Variants in MDFIC2 observed in about 807,000 individuals in gnomAD.
MDFIC2 encodes MyoD family inhibitor domain containing 2, also known as myoD family inhibitor domain-containing protein 2.
intron 2 of MDFIC2, among the ~76,000 whole-genome samples, chr3:70,275,208 T>C (rs1243667391): frequency 1.3e-5 from 2 of 152,194 alleles, no homozygotes; most frequent in African/African-American, 4.8e-5. Flanking sequence ...TGCTTCTGAA[T>C]AGCATTCATG....
chr3:70,267,556 C>G (rs796676276), intron 2 of MDFIC2, among the ~76,000 whole-genome samples: 80 of 149,740 alleles, frequency 5.3e-4, no homozygotes, highest in African/African-American at 1.9e-3. Flanking sequence ...GCGCCCGCCA[C>G]CATGCCCGGC....
intron 2 of MDFIC2, among the ~76,000 whole-genome samples, chr3:70,279,410 A>G (rs1702059102): frequency 6.6e-6 from 1 of 152,136 alleles, no homozygotes. Context: ...CACTCGTCAG[A>G]AAGACCTCTG....
chr3:70,207,907 A>G (rs1453035289), intron 2 of MDFIC2, among the ~76,000 whole-genome samples: 1 of 151,974 alleles, frequency 6.6e-6, no homozygotes, highest in Non-Finnish European at 1.5e-5. Flanking sequence ...CCATGTAATG[A>G]TTGGGAGTCT....
intron 2 of MDFIC2, among the ~76,000 whole-genome samples, chr3:70,220,611 T>A (rs1285412554): frequency 1.3e-5 from 2 of 152,096 alleles, no homozygotes; most frequent in Non-Finnish European, 2.9e-5. Context: ...AGGAAGTATG[T>A]TAGTGTGTTG....
chr3:70,304,544 G>T (rs572513352), intron 2 of MDFIC2, among the ~76,000 whole-genome samples: 4 of 152,024 alleles, frequency 2.6e-5, no homozygotes, highest in African/African-American at 9.7e-5. Flanking sequence ...TTCTAAAGCC[G>T]GGGGTCAGCC....
rs571979940 is a variant in MDFIC2, at chr3:70,256,412, A to C, written c.89-49622T>G. Among the ~76,000 whole-genome samples the C allele has an allele frequency of 4.1e-4, 62 of 152,332 alleles. No homozygotes were observed. The South Asian group carries it at 0.012, about 30-fold the overall frequency. ...CCTTTAAAATGCCATGCTGACTGTA[A>C]ACTGCAATTAATAAAAGCTTATGCT... is the stretch of plus-strand genomic sequence containing the variant. On this transcript the variant is annotated intron_variant, in intron 2 of 3. Coordinates refer to ENST00000567252, the MANE Select transcript of MDFIC2 (RefSeq NM_001364677.1).
intron 2 of MDFIC2, among the ~76,000 whole-genome samples, chr3:70,230,784 T>C (rs1254456998): frequency 6.6e-6 from 1 of 152,192 alleles, no homozygotes; most frequent in Non-Finnish European, 1.5e-5. Context: ...TGCTTCATGG[T>C]GAGACCAAGG....
At chr3:70,278,068 C>G (rs1261335235) in intron 2 of MDFIC2, among the ~76,000 whole-genome samples, 1 of 152,178 alleles carries the variant, frequency 6.6e-6, no homozygotes, top group East Asian at 1.9e-4. Flanking sequence ...AAAAACACTT[C>G]AGCAACATAG....
At chr3:70,274,924 C>G (rs186308494) in intron 2 of MDFIC2, among the ~76,000 whole-genome samples, 67 of 152,106 alleles carry the variant, frequency 4.4e-4, no homozygotes, top group African/African-American at 1.5e-3. Flanking sequence ...ATTAGTTTGG[C>G]AAAATGAGTT....
At chr3:70,198,550 C>T (rs1467080509) in intron 3 of MDFIC2, among the ~76,000 whole-genome samples, 1 of 152,142 alleles carries the variant, frequency 6.6e-6, no homozygotes, top group Non-Finnish European at 1.5e-5. Context: ...TAAGGTGAGT[C>T]CTGAATATAA....
chr3:70,258,303 T>C (rs961669940), intron 2 of MDFIC2, among the ~76,000 whole-genome samples: 2 of 152,088 alleles, frequency 1.3e-5, no homozygotes, highest in African/African-American at 4.8e-5. Flanking sequence ...TCATCAAAAT[T>C]ATAAATCTTT....
chr3:70,286,434 C>G (rs924198973), intron 2 of MDFIC2, among the ~76,000 whole-genome samples: 1 of 151,744 alleles, frequency 6.6e-6, no homozygotes, highest in African/African-American at 2.4e-5. Flanking sequence ...GTTTTGGTAC[C>G]AGTACCATGC....
chr3:70,232,948 GA>G (rs1309419757), intron 2 of MDFIC2, among the ~76,000 whole-genome samples: 1 of 152,124 alleles, frequency 6.6e-6, no homozygotes, highest in African/African-American at 2.4e-5. Context: ...CAGCACTTTG[GA>G]AGGCCAAGGG....
intron 2 of MDFIC2, among the ~76,000 whole-genome samples, chr3:70,255,627 A>G (rs1265803818): frequency 6.6e-6 from 1 of 150,572 alleles, no homozygotes; most frequent in Non-Finnish European, 1.5e-5. Flanking sequence ...AAGCCTGGCT[A>G]TTTTTTTTTC....
At chr3:70,266,365 AC>A (rs1701917186) in intron 2 of MDFIC2, among the ~76,000 whole-genome samples, 1 of 152,000 alleles carries the variant, frequency 6.6e-6, no homozygotes, top group African/African-American at 2.4e-5. Flanking sequence ...TTTTGGGGCA[AC>A]TGTAACTGCT....
chr3:70,285,502 A>C (rs527685158), intron 2 of MDFIC2, among the ~76,000 whole-genome samples: 1 of 151,956 alleles, frequency 6.6e-6, no homozygotes, highest in African/African-American at 2.4e-5. Context: ...ATTGTGAATA[A>C]TGCCGCAATA....
chr3:70,221,548 C>G (rs1189638232), intron 2 of MDFIC2, among the ~76,000 whole-genome samples: 1 of 151,940 alleles, frequency 6.6e-6, no homozygotes, highest in South Asian at 2.1e-4. Context: ...CCCTCAGGAG[C>G]TTTATGGCCT....
intron 2 of MDFIC2, among the ~76,000 whole-genome samples, chr3:70,221,576 A>T (rs184208536): frequency 6.6e-6 from 1 of 152,234 alleles, no homozygotes; most frequent in Admixed American, 6.5e-5. Flanking sequence ...GGAGAAACAC[A>T]TGTCAACAGA....
intron 2 of MDFIC2, among the ~76,000 whole-genome samples, chr3:70,300,807 G>A (rs1702340134): frequency 6.6e-6 from 1 of 152,006 alleles, no homozygotes; most frequent in African/African-American, 2.4e-5. Context: ...ATTAACGGAT[G>A]TCAGCCTACA....
Sources: gnomAD v4.1 joint callset for allele counts (sites outside exome capture counted in the v4.1 genomes callset) on GRCh38, gnomAD v4.1.1 for gene constraint, MANE v1.5 for transcripts, NCBI Gene and HGNC (gene_info 2026-07-23, HGNC 2026-07-21) for gene names.